The following CCBE1 variants were observed in gnomAD, a reference collection of about 807,000 sequenced individuals.
CCBE1 encodes collagen and calcium-binding EGF domain-containing protein 1.
In CCBE1, 37 loss-of-function variants were observed where a neutral mutation model predicts 50.0. The ratio of observed to expected loss-of-function variants is 0.74; its 90% CI spans 0.57 to 0.97. The LOEUF (loss-of-function observed/expected upper bound fraction) is 0.97, where lower values mean the gene tolerates loss of function less well. Among genes scored for constraint, CCBE1 ranks in the 50% least tolerant of loss-of-function variants. The probability of loss-of-function intolerance (pLI) is 0.00; values close to 1 mark genes in which losing one functional copy is unlikely to be tolerated. For synonymous variants in CCBE1, 234 were observed against 203.7 expected (o/e 1.15, Z -1.27); for missense variants, 538 against 523.8 (o/e 1.03, Z -0.26).
At chr18:59,447,532 T>C (rs1359412830) in intron 7 of CCBE1, among the ~76,000 whole-genome samples, 3 of 152,112 alleles carry the variant, frequency 2.0e-5, no homozygotes, top group East Asian at 1.9e-4. Context: ...AATATAGGTA[T>C]AAATATGCGA....
At chr18:59,477,420 G>A (rs1346676164) in intron 3 of CCBE1, among the ~76,000 whole-genome samples, 1 of 152,196 alleles carries the variant, frequency 6.6e-6, no homozygotes, top group Admixed American at 6.5e-5. Flanking sequence ...AATATGGGTT[G>A]TGTGGTAGAA....
intron 2 of CCBE1, among the ~76,000 whole-genome samples, chr18:59,550,385 C>A (rs753363106): frequency 4.6e-5 from 7 of 152,190 alleles, no homozygotes; most frequent in Non-Finnish European, 8.8e-5. Context: ...GCCTCAAAAG[C>A]CTAAAATAAC....
chr18:59,478,023 C>A (rs1182835196), intron 3 of CCBE1, among the ~76,000 whole-genome samples: 1 of 152,102 alleles, frequency 6.6e-6, no homozygotes, highest in Non-Finnish European at 1.5e-5. Context: ...AATCAGATGA[C>A]CCTCCATAAT....
chr18:59,437,549 G>A (rs1910214789), intron 10 of CCBE1, among the ~76,000 whole-genome samples: 1 of 152,234 alleles, frequency 6.6e-6, no homozygotes, highest in Non-Finnish European at 1.5e-5. Context: ...TTTCAGAAAT[G>A]ATACTTCTTC....
At chr18:59,451,649 A>T (rs141462863) in intron 6 of CCBE1, among the ~76,000 whole-genome samples, 1 of 152,130 alleles carries the variant, frequency 6.6e-6, no homozygotes, top group Non-Finnish European at 1.5e-5. Context: ...ACATGTTTTT[A>T]TTGCAAAATA....
chr18:59,577,165 G>A (rs987108802), intron 2 of CCBE1, among the ~76,000 whole-genome samples: 1 of 152,224 alleles, frequency 6.6e-6, no homozygotes, highest in Non-Finnish European at 1.5e-5. Flanking sequence ...AAGAAAATAG[G>A]AAAGGGATGG....
chr18:59,601,697 C>A (rs2053436739), intron 2 of CCBE1, among the ~76,000 whole-genome samples: 1 of 152,188 alleles, frequency 6.6e-6, no homozygotes, highest in South Asian at 2.1e-4. Flanking sequence ...TGCCCAGCCC[C>A]AGATTTCTTT....
chr18:59,543,077 C>T (rs1390336082), intron 2 of CCBE1, among the ~76,000 whole-genome samples: 1 of 152,184 alleles, frequency 6.6e-6, no homozygotes. Context: ...GCTTCCTTCT[C>T]GGGAAGCCTT....
chr18:59,618,048 G>T, intron 2 of CCBE1, among the ~76,000 whole-genome samples: 1 of 152,212 alleles, frequency 6.6e-6, no homozygotes, highest in East Asian at 1.9e-4. Context: ...ATCTAAGAAA[G>T]ATAATCAATT....
intron 2 of CCBE1, among the ~76,000 whole-genome samples, chr18:59,657,297 G>A (rs1046299408): frequency 6.6e-6 from 1 of 152,220 alleles, no homozygotes. Flanking sequence ...TGGTTCCACA[G>A]TGTGAAAGGC....
intron 7 of CCBE1, among the ~76,000 whole-genome samples, chr18:59,445,865 C>A (rs1199240737): frequency 6.6e-6 from 1 of 152,210 alleles, no homozygotes; most frequent in Non-Finnish European, 1.5e-5. Flanking sequence ...CAAACGGCAG[C>A]ACCTTACGTA....
At chr18:59,503,238 A>G (rs1461326805) in intron 2 of CCBE1, among the ~76,000 whole-genome samples, 1 of 152,214 alleles carries the variant, frequency 6.6e-6, no homozygotes, top group Non-Finnish European at 1.5e-5. Context: ...CGAGCTAGAA[A>G]TCTGGGGACA....
intron 2 of CCBE1, among the ~76,000 whole-genome samples, chr18:59,668,819 CTTT>C (rs34632549): frequency 1.0e-5 from 1 of 99,172 alleles, no homozygotes; most frequent in Non-Finnish European, 1.9e-5. Context: ...TTCCATAAGT[CTTT>C]TTTTTTTTTT....
chr18:59,443,536 G>A (rs139560520), intron 7 of CCBE1, among the ~76,000 whole-genome samples: 6 of 150,518 alleles, frequency 4.0e-5, no homozygotes, highest in Admixed American at 6.6e-5. Flanking sequence ...GTGCAATCTC[G>A]TCTCACTGCA....
intron 2 of CCBE1, among the ~76,000 whole-genome samples, chr18:59,498,015 C>T (rs1383436698): frequency 2.0e-5 from 3 of 152,136 alleles, no homozygotes; most frequent in Admixed American, 6.5e-5. Flanking sequence ...GCCAACAATG[C>T]GAGTGAGAAG....
chr18:59,496,252 T>C (rs1326260338), intron 2 of CCBE1, among the ~76,000 whole-genome samples: 2 of 152,188 alleles, frequency 1.3e-5, no homozygotes, highest in Non-Finnish European at 2.9e-5. Context: ...CTCCTCTAAT[T>C]GACCATGAAC....
At chr18:59,660,110 G>A (rs756275747) in intron 2 of CCBE1, among the ~76,000 whole-genome samples, 15 of 152,062 alleles carry the variant, frequency 9.9e-5, no homozygotes, top group Non-Finnish European at 2.2e-4. Flanking sequence ...CCCTGTACGT[G>A]GGCACCCAGC....
In CCBE1 at chr18:59,696,691, GCTCT is replaced by G. The variant is rs772320624; in HGVS notation, c.146_149del (p.Glu49AlafsTer11). 6.2e-7 allele frequency: 1 copy of G among 1,613,992 alleles called. No homozygotes were observed. The highest frequency in any genetic ancestry group is 8.5e-7 in the Non-Finnish European group (1 of 1,179,926). On this transcript the variant is annotated frameshift_variant, in exon 2 of 11. Transcript: ENST00000439986. LOFTEE classifies it high-confidence loss of function. Reference sequence around the variant, plus strand: ...ACGGGTATTTAGTCGTCGCGATTTTGCTCTCTGAGCAGATTTCTCTATGAAAAAG... The same window carrying G: ...ACGGGTATTTAGTCGTCGCGATTTTGCTGAGCAGATTTCTCTATGAAAAAG...
intron 2 of CCBE1, among the ~76,000 whole-genome samples, chr18:59,522,907 G>C (rs927632621): frequency 6.7e-6 from 1 of 150,192 alleles, no homozygotes; most frequent in Admixed American, 6.6e-5. Flanking sequence ...GAGGAGAGTG[G>C]TGTGAACCCA....
Sources: gnomAD v4.1 joint callset for allele counts (sites outside exome capture counted in the v4.1 genomes callset) on GRCh38, gnomAD v4.1.1 for gene constraint, MANE v1.5 for transcripts, NCBI Gene and HGNC (gene_info 2026-07-23, HGNC 2026-07-21) for gene names.